The following SEMA6D variants were observed in gnomAD, a reference collection of about 807,000 sequenced individuals.
The protein encoded by SEMA6D is semaphorin 6D.
A neutral mutation model predicts 106.6 loss-of-function variants in SEMA6D; 35 were observed. The ratio of observed to expected loss-of-function variants is 0.33; its 90% confidence interval spans 0.25 to 0.44. The LOEUF is 0.44. Among genes scored for constraint, SEMA6D ranks in the 20% least tolerant of loss-of-function variants. The pLI is 1.00. For missense variants in SEMA6D, 1,185 were observed against 1,345.9 expected (o/e 0.88, Z 1.87); for synonymous variants, 499 against 487.7 (o/e 1.02, Z -0.31).
intron 4 of SEMA6D, among the ~76,000 whole-genome samples, chr15:47,696,679 A>G (rs903643220): frequency 1.1e-4 from 16 of 152,098 alleles, no homozygotes; most frequent in African/African-American, 3.1e-4. Flanking sequence ...TGTTACTTCA[A>G]TTTTGTAGGT....
At chr15:47,455,525 C>G (rs192013585) in intron 2 of SEMA6D, among the ~76,000 whole-genome samples, 1 of 152,034 alleles carries the variant, frequency 6.6e-6, no homozygotes, top group Non-Finnish European at 1.5e-5. Flanking sequence ...GATACCTTCT[C>G]TGTCACTAGT....
Position 47,657,719 on chromosome 15 carries a change from C to CTTTTTTTTTTTT in SEMA6D, c.-55+56852_-55+56863dup, listed in dbSNP as rs71118191. Reference sequence around the variant, plus strand: ...CATTTAGTGACAGAGGGCTTCATTTCTTTTTTTTTTTTTTTTTTTTTTTTT... The same window carrying CTTTTTTTTTTTT: ...CATTTAGTGACAGAGGGCTTCATTTCTTTTTTTTTTTTTTTTTTTTTTTTTTTTTTTTTTTTT... On this transcript the variant is annotated intron_variant, in intron 4 of 19. Coordinates refer to the SEMA6D transcript ENST00000558014. 5.1e-4 allele frequency among the ~76,000 whole-genome samples: 28 copies of CTTTTTTTTTTTT among 54,676 alleles called. 8 individuals carry two copies. Among genetic ancestry groups the CTTTTTTTTTTTT allele is most frequent in the South Asian group, 1.7e-3 (2 of 1,186 alleles). The allele number at this position is 54,676 out of a possible 152,430, so 35.9% of individuals were successfully genotyped here. A position where few individuals can be genotyped will look rare whatever the true frequency, so the allele number is the denominator to read the frequency against.
chr15:47,759,652 G>C, intron 1 of SEMA6D, 93 bp from the exon 2 acceptor site: 1 of 635,816 alleles, frequency 1.6e-6, no homozygotes, highest in Non-Finnish European at 2.8e-6. Context: ...AGGGGCTTTG[G>C]AGGGAGCTGA....
At chr15:47,435,697 C>A (rs1458995526) in intron 2 of SEMA6D, among the ~76,000 whole-genome samples, 1 of 152,172 alleles carries the variant, frequency 6.6e-6, no homozygotes, top group East Asian at 1.9e-4. Context: ...TTTTCCCTTT[C>A]ATTGAGAGCT....
chr15:47,459,991 G>A (rs1328449596), intron 2 of SEMA6D, among the ~76,000 whole-genome samples: 5 of 151,776 alleles, frequency 3.3e-5, no homozygotes, highest in African/African-American at 7.3e-5. Context: ...TTAGATCCCC[G>A]TATTCAAATC....
At chr15:47,219,907 G>T (rs1595759502) in intron 1 of SEMA6D, among the ~76,000 whole-genome samples, 3 of 152,134 alleles carry the variant, frequency 2.0e-5, no homozygotes, top group Admixed American at 6.5e-5. Flanking sequence ...TCTTAGTTGA[G>T]CTCTCACATG....
chr15:47,629,310 A>G (rs1437272041), intron 4 of SEMA6D, among the ~76,000 whole-genome samples: 3 of 142,752 alleles, frequency 2.1e-5, no homozygotes, highest in African/African-American at 6.1e-5. Flanking sequence ...TGACTCTAGA[A>G]AACTATTGCT....
chr15:47,436,660 G>A (rs1018074301), intron 2 of SEMA6D, among the ~76,000 whole-genome samples: 4 of 150,524 alleles, frequency 2.7e-5, no homozygotes, highest in African/African-American at 7.3e-5. Flanking sequence ...GCTGGGCATA[G>A]TGACTCATGC....
chr15:47,478,466 C>G (rs1386484228), intron 3 of SEMA6D, among the ~76,000 whole-genome samples: 1 of 152,184 alleles, frequency 6.6e-6, no homozygotes, highest in Non-Finnish European at 1.5e-5. Flanking sequence ...CGTGGTTCAT[C>G]TTTAAGTCCC....
intron 1 of SEMA6D, 172 bp from the exon 2 acceptor site, chr15:47,759,573 C>A: frequency 1.8e-6 from 1 of 566,988 alleles, no homozygotes. Flanking sequence ...TCAGGCCTGG[C>A]ATGTTGCCAT....
intron 1 of SEMA6D, among the ~76,000 whole-genome samples, chr15:47,225,607 A>G (rs2031595835): frequency 7.1e-6 from 1 of 141,400 alleles, no homozygotes; most frequent in Non-Finnish European, 1.5e-5. Context: ...GGCTCACTGC[A>G]ACTTCCACCT....
In SEMA6D at chr15:47,772,561, A is replaced by C. The variant is rs1243889792; in HGVS notation, c.*776A>C. On this transcript the variant is annotated 3_prime_UTR_variant, in exon 19 of 19. Transcript: ENST00000536845. ...GGCTCCTTTGACCATCAAAATGATG[A>C]ACTTTACTTATGTGGTACCCAATGC... 1 of 152,596 alleles carries C rather than the reference A, an allele frequency of 6.6e-6. No individual in the cohort carries two copies. The highest frequency in any genetic ancestry group is 6.5e-5 in the Admixed American group (1 of 15,268). The allele number at this position is 152,596 out of a possible 1,614,324, so 9.5% of individuals were successfully genotyped here.
At chr15:47,208,433 A>G (rs1192635368) in intron 1 of SEMA6D, among the ~76,000 whole-genome samples, 1 of 152,184 alleles carries the variant, frequency 6.6e-6, no homozygotes, top group Non-Finnish European at 1.5e-5. Flanking sequence ...GAGACCTTCT[A>G]AATACTAGGT....
chr15:47,224,484 C>T (rs1349510437), intron 1 of SEMA6D, among the ~76,000 whole-genome samples: 1 of 152,050 alleles, frequency 6.6e-6, no homozygotes, highest in Non-Finnish European at 1.5e-5. Context: ...TTATACTATT[C>T]TTGTCTCCAT....
intron 1 of SEMA6D, among the ~76,000 whole-genome samples, chr15:47,223,477 G>C (rs372558670): frequency 6.6e-6 from 1 of 151,662 alleles, no homozygotes; most frequent in East Asian, 1.9e-4. Context: ...ATTTTTTGTC[G>C]CCTGTGGCAG....
chr15:47,207,665 A>G (rs1022486082), intron 1 of SEMA6D, among the ~76,000 whole-genome samples: 1 of 151,872 alleles, frequency 6.6e-6, no homozygotes, highest in East Asian at 1.9e-4. Context: ...TGGCTACCCT[A>G]TTTGTCTTTC....
intron 1 of SEMA6D, among the ~76,000 whole-genome samples, chr15:47,404,861 C>T (rs1315466802): frequency 6.6e-6 from 1 of 152,136 alleles, no homozygotes; most frequent in Non-Finnish European, 1.5e-5. Context: ...GCAAGCATTG[C>T]TCCTGCACTC....
At chr15:47,339,518 A>G (rs1595765474) in intron 1 of SEMA6D, among the ~76,000 whole-genome samples, 1 of 152,214 alleles carries the variant, frequency 6.6e-6, no homozygotes, top group Non-Finnish European at 1.5e-5. Context: ...GAGAAGAAAC[A>G]TGGTTTGAAA....
intron 1 of SEMA6D, chr15:47,730,606 C>G (rs1204730479): frequency 1.3e-6 from 2 of 1,564,756 alleles, no homozygotes; most frequent in Non-Finnish European, 1.8e-6. Flanking sequence ...CCAACAGTCT[C>G]TGCTTCTTCT....
Sources: gnomAD v4.1 joint callset for allele counts (sites outside exome capture counted in the v4.1 genomes callset) on GRCh38, gnomAD v4.1.1 for gene constraint, MANE v1.5 for transcripts, NCBI Gene and HGNC (gene_info 2026-07-23, HGNC 2026-07-21) for gene names.